The following BTBD10 variants were observed in gnomAD, a reference collection of about 807,000 sequenced individuals.
BTBD10 encodes BTB domain containing 10, also known as BTB/POZ domain-containing protein 10.
A neutral mutation model predicts 53.2 loss-of-function variants in BTBD10; 21 were observed. The ratio of observed to expected loss-of-function variants is 0.39; its 90% CI spans 0.28 to 0.57. The LOEUF (loss-of-function observed/expected upper bound fraction) is 0.57. BTBD10 is among the 20% of genes least tolerant of loss of function. The pLI is 0.53. For missense variants in BTBD10, 360 were observed against 594.7 expected (o/e 0.61, Z 4.10); for synonymous variants, 149 against 192.7 (o/e 0.77, Z 1.88).
chr11:13,400,964 TGTTG>T (rs1313342869), intron 8 of BTBD10, among the ~76,000 whole-genome samples: 1 of 152,178 alleles, frequency 6.6e-6, no homozygotes, highest in East Asian at 1.9e-4. Context: ...CCAGATTGAA[TGTTG>T]GTTTAGAGAA....
At chr11:13,431,000 C>CACACACACACAA (rs1472530203) in intron 2 of BTBD10, among the ~76,000 whole-genome samples, 3 of 150,730 alleles carry the variant, frequency 2.0e-5, no homozygotes, top group Non-Finnish European at 4.4e-5. Context: ...CACACACACA[C>CACACACACACAA]ACAGATATAT....
At chr11:13,451,321 A>C (rs1380558474) in intron 1 of BTBD10, among the ~76,000 whole-genome samples, 2 of 152,182 alleles carry the variant, frequency 1.3e-5, no homozygotes, top group African/African-American at 4.8e-5. Flanking sequence ...AGCAGCAGAA[A>C]GCTGAATCCC....
intron 1 of BTBD10, among the ~76,000 whole-genome samples, chr11:13,449,650 C>G (rs1343695129): frequency 3.9e-5 from 6 of 152,088 alleles, no homozygotes; most frequent in African/African-American, 1.4e-4. Flanking sequence ...TTATAATGAA[C>G]AGGAATTTAT....
intron 8 of BTBD10, among the ~76,000 whole-genome samples, chr11:13,397,569 C>G (rs1284416932): frequency 1.3e-5 from 2 of 152,136 alleles, no homozygotes; most frequent in East Asian, 3.9e-4. Flanking sequence ...TTAGTTATTT[C>G]TTGCCTTCTG....
chr11:13,388,840 T>C lies in BTBD10; in HGVS notation c.1419A>G (p.Pro473=). The stretch of plus-strand genomic sequence containing the variant: ...TCAAGGAAGATCAGCATCACAGCAT[T>C]GGATTCTGTGCATCAGGATCGAGGT... ...NSDLDPDAQN[P]ML The change falls in exon 9 of 9, where the codon CCA becomes CCG. Residue 473 remains proline (P), a synonymous_variant. Coordinates refer to ENST00000278174, the MANE Select transcript of BTBD10 (RefSeq NM_032320.7). 1.2e-6 allele frequency: 2 copies of C among 1,611,658 alleles called. No homozygotes were observed. The highest frequency in any genetic ancestry group is 2.2e-5 in the South Asian group (2 of 90,888).
intron 8 of BTBD10, among the ~76,000 whole-genome samples, chr11:13,396,466 T>C (rs1167745600): frequency 6.6e-6 from 1 of 152,234 alleles, no homozygotes; most frequent in Non-Finnish European, 1.5e-5. Context: ...TTTCTAGATA[T>C]ACAATCATGT....
At chr11:13,439,756 TTTATC>T in intron 2 of BTBD10, 1 of 696,700 alleles carries the variant, frequency 1.4e-6, no homozygotes, top group Non-Finnish European at 2.2e-6. Flanking sequence ...ACATATGATC[TTTATC>T]TTTAGTCATG....
chr11:13,400,139 C>G (rs999983133), intron 8 of BTBD10, among the ~76,000 whole-genome samples: 1 of 152,236 alleles, frequency 6.6e-6, no homozygotes, highest in Non-Finnish European at 1.5e-5. Context: ...TGCCCTGCCC[C>G]CAAAGGGGGA....
Position 13,411,373 on chromosome 11 carries a change from T to C in BTBD10, c.808+2157A>G, listed in dbSNP as rs535955898. ...ATTCCAAATATTCAGCAAAGGCATA[T>C]ATTTGCAAGAAAAAAAATTTACTTT... is the stretch of plus-strand genomic sequence containing the variant. On this transcript the variant is annotated intron_variant, in intron 6 of 8. Transcript: ENST00000278174. Among the ~76,000 whole-genome samples, 3 of 152,334 alleles carry C rather than the reference T, an allele frequency of 2.0e-5. No individual in the cohort carries two copies. In the East Asian group the frequency reaches 5.8e-4, roughly 29 times the overall value.
intron 8 of BTBD10, among the ~76,000 whole-genome samples, chr11:13,390,075 CA>C (rs910714693): frequency 6.6e-6 from 1 of 150,986 alleles, no homozygotes; most frequent in African/African-American, 2.4e-5. Context: ...AAAGTAAGGA[CA>C]ACCCTAGATT....
intron 1 of BTBD10, among the ~76,000 whole-genome samples, chr11:13,457,358 A>C (rs2134062578): frequency 6.6e-6 from 1 of 152,272 alleles, no homozygotes; most frequent in East Asian, 1.9e-4. Context: ...GTAATGGTAA[A>C]AGACTAAAAC....
At chr11:13,436,778 C>A (rs1950549781) in intron 2 of BTBD10, among the ~76,000 whole-genome samples, 1 of 140,818 alleles carries the variant, frequency 7.1e-6, no homozygotes, top group African/African-American at 2.7e-5. Context: ...AGAGCTGTCA[C>A]AAGATTTCTC....
rs1220488293 is a variant in BTBD10 at position 13,416,376 on chromosome 11, C to CA, written c.687+781dup. 9.4e-4 allele frequency among the ~76,000 whole-genome samples: 142 copies of CA among 151,250 alleles called. 1 individual carries two copies. The highest frequency in any genetic ancestry group is 7.8e-3 in the East Asian group (40 of 5,124). ...CTGGGGCAAAAAACAACAACAACAA[C>CA]AAAAAAAACCCAATAAAAAACTAAA... is the stretch of plus-strand genomic sequence containing the variant. On this transcript the variant is annotated intron_variant, in intron 5 of 8. Transcript: ENST00000278174.
At chr11:13,462,199 T>C (rs1951116612) in intron 1 of BTBD10, among the ~76,000 whole-genome samples, 1 of 152,174 alleles carries the variant, frequency 6.6e-6, no homozygotes, top group East Asian at 1.9e-4. Context: ...CAAATTTGTG[T>C]AGTTGGGGGG....
chr11:13,414,761 A>C (rs1351393421), intron 5 of BTBD10, among the ~76,000 whole-genome samples: 1 of 148,262 alleles, frequency 6.7e-6, no homozygotes. Context: ...AATCACTTGA[A>C]CTCAGGAGGC....
At chr11:13,424,301 C>T (rs1462411641) in intron 2 of BTBD10, among the ~76,000 whole-genome samples, 1 of 152,110 alleles carries the variant, frequency 6.6e-6, no homozygotes, top group East Asian at 1.9e-4. Context: ...ATTAAAAAAG[C>T]GTTTTCACCA....
At chr11:13,403,457 G>A (rs1373850250) in intron 7 of BTBD10, among the ~76,000 whole-genome samples, 179 bp from the exon 8 acceptor site, 1 of 152,114 alleles carries the variant, frequency 6.6e-6, no homozygotes, top group Non-Finnish European at 1.5e-5. Flanking sequence ...TAATGTAGAA[G>A]CAAATGTCTA....
chr11:13,411,796 A>C (rs1240538462), intron 6 of BTBD10, among the ~76,000 whole-genome samples: 1 of 152,162 alleles, frequency 6.6e-6, no homozygotes, highest in Non-Finnish European at 1.5e-5. Context: ...CAAAACTTGA[A>C]ATCAGGGATC....
Position 13,388,883 on chromosome 11 carries a change from G to A in BTBD10, c.1376C>T (p.Pro459Leu), listed in dbSNP as rs767267622. 3.7e-6 allele frequency: 6 copies of A among 1,613,998 alleles called. No homozygotes were observed. Among genetic ancestry groups the A allele is most frequent in the Non-Finnish European group, 5.1e-6 (6 of 1,180,000 alleles). Reference sequence around the variant, plus strand: ...ATCGAGGTCACTGTTGCCAGAAGGGGGATGGATAGGGAGAATATCCAGCTC... The same window carrying A: ...ATCGAGGTCACTGTTGCCAGAAGGGAGATGGATAGGGAGAATATCCAGCTC... ...VDELDILPIHPPSGNSDLDPD... is the reference protein window; with the variant it reads ...VDELDILPIHLPSGNSDLDPD... Residue 459 changes from proline to leucine, a missense_variant, in exon 9 of 9, where the codon CCC (proline) becomes CTC (leucine). Coordinates refer to ENST00000278174, the MANE Select transcript of BTBD10 (RefSeq NM_032320.7).
Sources: gnomAD v4.1 joint callset for allele counts (sites outside exome capture counted in the v4.1 genomes callset) on GRCh38, gnomAD v4.1.1 for gene constraint, MANE v1.5 for transcripts, NCBI Gene and HGNC (gene_info 2026-07-23, HGNC 2026-07-21) for gene names.